The following LARGE1 variants were observed in gnomAD, a reference collection of about 807,000 sequenced individuals.
LARGE1 encodes xylosyl- and glucuronyltransferase LARGE1.
Under a neutral mutation model 87.6 loss-of-function variants are expected in LARGE1, and 43 were observed. The ratio of observed to expected loss-of-function variants is 0.49; its 90% CI spans 0.38 to 0.63. LARGE1 has a LOEUF of 0.63. Among genes scored for constraint, LARGE1 ranks in the 30% least tolerant of loss-of-function variants. The probability of loss-of-function intolerance (pLI) is 0.00; values close to 1 mark genes in which losing one functional copy is unlikely to be tolerated. For missense variants in LARGE1, 802 were observed against 1,000.2 expected (o/e 0.80, Z 2.67); for synonymous variants, 434 against 394.6 (o/e 1.10, Z -1.18).
downstream of LARGE1, among the ~76,000 whole-genome samples, chr22:33,159,545 T>A (rs1921956653): frequency 1.3e-5 from 2 of 151,982 alleles, no homozygotes; most frequent in East Asian, 3.9e-4. Context: ...TAGGTTTAAA[T>A]GTAGTTACTC....
intron 1 of LARGE1, among the ~76,000 whole-genome samples, chr22:33,830,224 G>A (rs1025998699): frequency 5.9e-5 from 9 of 151,990 alleles, no homozygotes; most frequent in South Asian, 2.1e-4. Context: ...AAAATTTACA[G>A]AGAGACACTG....
At chr22:33,149,284 C>T in the LARGE1 span, among the ~76,000 whole-genome samples, 382 of 152,004 alleles carry the variant, frequency 2.5e-3, 3 homozygotes, top group South Asian at 0.01. Flanking sequence ...CCTCGTGATC[C>T]GCCCGCCTTG....
chr22:33,177,784 T>A (rs896163277), intron 11 of LARGE1, among the ~76,000 whole-genome samples: 1 of 152,174 alleles, frequency 6.6e-6, no homozygotes, highest in Non-Finnish European at 1.5e-5. Flanking sequence ...TGACTCTGCA[T>A]CCCCACCCAA....
At chr22:33,637,329 TAA>T (rs1339570008) in intron 3 of LARGE1, among the ~76,000 whole-genome samples, 4 of 152,168 alleles carry the variant, frequency 2.6e-5, no homozygotes, top group Non-Finnish European at 5.9e-5. Flanking sequence ...ATTTCTAAAA[TAA>T]GTTTTACAAA....
rs542056475 is a variant in LARGE1 at position 33,803,553 on chromosome 22, G to A, written c.-82-41995C>T. ...GACTCGCCAGACTCAGCATGTAGATGTGGCTATGACTTACAGCATCTCATG... is the reference window on the plus strand; with the variant it reads ...GACTCGCCAGACTCAGCATGTAGATATGGCTATGACTTACAGCATCTCATG... On this transcript the variant is annotated intron_variant, in intron 1 of 14. Coordinates refer to ENST00000397394, the MANE Select transcript of LARGE1 (RefSeq NM_133642.5). Among the ~76,000 whole-genome samples, 30 of 152,296 alleles carry A rather than the reference G, an allele frequency of 2.0e-4. No individual in the cohort carries two copies. In the East Asian group the frequency reaches 5.6e-3, roughly 28 times the overall value.
At chr22:33,782,778 T>C (rs141778563) in intron 1 of LARGE1, among the ~76,000 whole-genome samples, 4,052 of 150,762 alleles carry the variant, frequency 0.027, 74 homozygotes, top group Non-Finnish European at 0.044. Flanking sequence ...GGCAGAAGAA[T>C]CACTTGAACC....
chr22:33,128,537 T>C, the LARGE1 span, among the ~76,000 whole-genome samples: 2 of 152,026 alleles, frequency 1.3e-5, no homozygotes, highest in African/African-American at 4.8e-5. Flanking sequence ...TAGCCAGGCA[T>C]GGTGGCAGGC....
intron 9 of LARGE1, among the ~76,000 whole-genome samples, chr22:33,381,674 A>G (rs548541050): frequency 1.3e-5 from 2 of 152,120 alleles, no homozygotes; most frequent in Non-Finnish European, 2.9e-5. Context: ...CCAGCAGCAG[A>G]TGGCAAGAAT....
chr22:33,545,271 T>G (rs1447514739), intron 6 of LARGE1, among the ~76,000 whole-genome samples: 1 of 151,194 alleles, frequency 6.6e-6, no homozygotes. Context: ...TTTCTTTTTT[T>G]TTTTTTTTTT....
chr22:33,073,572 A>G, the LARGE1 span, among the ~76,000 whole-genome samples: 1 of 152,158 alleles, frequency 6.6e-6, no homozygotes, highest in Admixed American at 6.5e-5. Flanking sequence ...CACCCCTCAT[A>G]AAGTCTCCTC....
At chr22:33,206,715 T>C (rs961420161) in intron 11 of LARGE1, among the ~76,000 whole-genome samples, 4 of 152,170 alleles carry the variant, frequency 2.6e-5, no homozygotes, top group Non-Finnish European at 4.4e-5. Context: ...ATAATAACTC[T>C]CTTGGAGAAA....
intron 6 of LARGE1, among the ~76,000 whole-genome samples, chr22:33,494,481 A>C (rs1447300670): frequency 1.3e-5 from 2 of 152,278 alleles, no homozygotes; most frequent in African/African-American, 2.4e-5. Flanking sequence ...AAATGGTAGA[A>C]GAAAATGACA....
At chr22:33,552,300 T>C (rs2077548430) in intron 6 of LARGE1, among the ~76,000 whole-genome samples, 1 of 152,136 alleles carries the variant, frequency 6.6e-6, no homozygotes, top group Non-Finnish European at 1.5e-5. Context: ...ATCCCAGATG[T>C]TTTTGTACCA....
chr22:33,333,313 G>C (rs76796241), intron 10 of LARGE1, among the ~76,000 whole-genome samples: 19,561 of 152,008 alleles, frequency 0.13, 3,114 homozygotes, highest in African/African-American at 0.38. Context: ...CCACTGTGCT[G>C]GGCCGGGGCA....
chr22:33,858,426 A>T, intron 1 of LARGE1, among the ~76,000 whole-genome samples: 1 of 152,264 alleles, frequency 6.6e-6, no homozygotes, highest in Non-Finnish European at 1.5e-5. Context: ...CAAAGAGGGT[A>T]GCCATTGCTG....
rs1384619813 is a variant in LARGE1 at position 33,474,501 on chromosome 22, C to T, written c.788-42236G>A. Among the ~76,000 whole-genome samples the T allele has an allele frequency of 2.6e-5, 4 of 152,296 alleles. No homozygotes were observed. In the East Asian group the frequency reaches 5.8e-4, roughly 22 times the overall value. ...AAAAGGCAATACAACTAGACAGGTG[C>T]TGTGCTTGGTGACAATGGTAGAGAC... is the stretch of plus-strand genomic sequence containing the variant. On this transcript the variant is annotated intron_variant, in intron 6 of 14. Transcript: ENST00000397394.
At chr22:33,303,859 G>A (rs1026406296) in intron 12 of LARGE1, among the ~76,000 whole-genome samples, 11 of 151,922 alleles carry the variant, frequency 7.2e-5, no homozygotes, top group African/African-American at 2.7e-4. Flanking sequence ...TCCTGACCTC[G>A]TGATCCACCT....
chr22:33,130,830 G>C, the LARGE1 span, among the ~76,000 whole-genome samples: 1 of 151,912 alleles, frequency 6.6e-6, no homozygotes, highest in Non-Finnish European at 1.5e-5. Flanking sequence ...CAGATTACGA[G>C]GTCAGGAGAT....
intron 2 of LARGE1, among the ~76,000 whole-genome samples, chr22:33,685,658 C>G (rs1045610442): frequency 6.6e-6 from 1 of 152,182 alleles, no homozygotes; most frequent in African/African-American, 2.4e-5. Flanking sequence ...GAACACTGCT[C>G]TATCAAGTTC....
Sources: gnomAD v4.1 joint callset for allele counts (sites outside exome capture counted in the v4.1 genomes callset) on GRCh38, gnomAD v4.1.1 for gene constraint, MANE v1.5 for transcripts, NCBI Gene and HGNC (gene_info 2026-07-23, HGNC 2026-07-21) for gene names.